The following PTPRD variants were observed in gnomAD, a reference collection of about 807,000 sequenced individuals.
PTPRD encodes receptor-type tyrosine-protein phosphatase delta.
A neutral mutation model predicts 214.5 loss-of-function variants in PTPRD; 34 were observed. That is an observed-to-expected ratio of 0.16 (90% CI 0.12 to 0.21). PTPRD has a LOEUF of 0.21. Ranked by LOEUF, PTPRD falls within the 10% of genes least tolerant of loss-of-function variation. The pLI, the probability that PTPRD is intolerant of heterozygous loss-of-function variation, is 1.00. For synonymous variants in PTPRD, 1,128 were observed against 845.7 expected (o/e 1.33, Z -5.79); for missense variants, 2,545 against 2,398.7 (o/e 1.06, Z -1.27).
At chr9:8,518,750 ATAT>A (rs1463610376) in intron 20 of PTPRD, among the ~76,000 whole-genome samples, 1 of 152,134 alleles carries the variant, frequency 6.6e-6, no homozygotes, top group Admixed American at 6.6e-5. Flanking sequence ...AATGGGAAAA[ATAT>A]TATTATTTAA....
intron 2 of PTPRD, among the ~76,000 whole-genome samples, chr9:10,428,890 C>T (rs900253647): frequency 1.3e-5 from 2 of 151,886 alleles, no homozygotes; most frequent in African/African-American, 4.8e-5. Context: ...GAGTCAGACT[C>T]ACATGGCCCT....
At chr9:8,380,828 A>C (rs1246844155) in intron 37 of PTPRD, among the ~76,000 whole-genome samples, 1 of 152,132 alleles carries the variant, frequency 6.6e-6, no homozygotes, top group Non-Finnish European at 1.5e-5. Flanking sequence ...TATTGTAGGC[A>C]CTTAATGAGC....
Position 8,486,156 on chromosome 9 carries a change from C to A in PTPRD, c.2661G>T (p.Lys887Asn), listed in dbSNP as rs2135956300. ...EDHFTATDIH[K>N]GASYVFRLSA... ...AGAGCCTGAAGACGTATGATGCTCC[C>A]TTGTGGATGTCTGTAGCTGTAAAGT... The change falls in exon 28 of 46, where the codon AAG becomes AAT. Residue 887 changes from lysine (K) to asparagine (N), a missense_variant. Coordinates refer to ENST00000381196, the MANE Select transcript of PTPRD (RefSeq NM_002839.4). 1.9e-6 allele frequency: 3 copies of A among 1,614,200 alleles called. No homozygotes were observed. Among genetic ancestry groups the A allele is most frequent in the Non-Finnish European group, 2.5e-6 (3 of 1,180,036 alleles).
At chr9:9,091,330 T>C (rs973606654) in intron 10 of PTPRD, 20 of 832,042 alleles carry the variant, frequency 2.4e-5, no homozygotes, top group Non-Finnish European at 4.0e-5. Context: ...AAAATTTCTT[T>C]AAATAGCTGC....
chr9:8,842,883 T>A (rs978925685), intron 11 of PTPRD, among the ~76,000 whole-genome samples: 1 of 152,170 alleles, frequency 6.6e-6, no homozygotes, highest in Non-Finnish European at 1.5e-5. Context: ...TCCTGCTCCG[T>A]CGGCCATCCT....
chr9:10,248,878 C>CTTTT (rs36110607), intron 3 of PTPRD, among the ~76,000 whole-genome samples: 1 of 150,948 alleles, frequency 6.6e-6, no homozygotes, highest in African/African-American at 2.4e-5. Context: ...GATATTTTAT[C>CTTTT]TTTTTTTTAG....
At chr9:10,148,720 C>A (rs994964742) in intron 3 of PTPRD, among the ~76,000 whole-genome samples, 5 of 152,108 alleles carry the variant, frequency 3.3e-5, no homozygotes, top group African/African-American at 9.7e-5. Flanking sequence ...GGGCCTTTTA[C>A]CAACTGTAAT....
chr9:8,481,886 G>A (rs1045945744), intron 30 of PTPRD, among the ~76,000 whole-genome samples: 1 of 152,088 alleles, frequency 6.6e-6, no homozygotes, highest in Non-Finnish European at 1.5e-5. Flanking sequence ...AGGTTCAAGC[G>A]ATTCTCCCGC....
intron 5 of PTPRD, among the ~76,000 whole-genome samples, chr9:9,888,177 G>T (rs2071697008): frequency 6.6e-6 from 1 of 152,130 alleles, no homozygotes; most frequent in African/African-American, 2.4e-5. Context: ...GCAAATGGTG[G>T]AAAGTGTGAA....
Position 9,207,954 on chromosome 9 carries a change from G to C in PTPRD, c.-202-24591C>G, listed in dbSNP as rs559126178. Among the ~76,000 whole-genome samples, 3 of 146,380 alleles carry C rather than the reference G, an allele frequency of 2.0e-5. No individual in the cohort carries two copies. The South Asian group carries it at 6.7e-4, about 33-fold the overall frequency. On this transcript the variant is annotated intron_variant, in intron 9 of 45. Coordinates refer to ENST00000381196, the MANE Select transcript of PTPRD (RefSeq NM_002839.4). Reference sequence around the variant, plus strand: ...CTTTTAGTGAAAAAGGAAAGGAAGAGACAAATACATAGTATGCCATTATTT... The same window carrying C: ...CTTTTAGTGAAAAAGGAAAGGAAGACACAAATACATAGTATGCCATTATTT...
chr9:9,310,443 C>T (rs991870831), intron 9 of PTPRD, among the ~76,000 whole-genome samples: 2 of 152,096 alleles, frequency 1.3e-5, no homozygotes, highest in Non-Finnish European at 2.9e-5. Context: ...CCTGTACTAT[C>T]TACAAGTGAA....
chr9:9,129,231 A>T (rs751995906), intron 10 of PTPRD, among the ~76,000 whole-genome samples: 16 of 152,166 alleles, frequency 1.1e-4, no homozygotes, highest in Non-Finnish European at 2.1e-4. Flanking sequence ...CTCTACTAAA[A>T]ATACCAAAAT....
chr9:9,221,088 C>T (rs924844699), intron 9 of PTPRD, among the ~76,000 whole-genome samples: 7 of 152,076 alleles, frequency 4.6e-5, no homozygotes, highest in African/African-American at 1.7e-4. Context: ...TGAAATCAAC[C>T]AGGTACAACT....
intron 22 of PTPRD, among the ~76,000 whole-genome samples, chr9:8,506,499 C>A (rs1298907498): frequency 1.3e-5 from 2 of 152,228 alleles, no homozygotes; most frequent in Non-Finnish European, 2.9e-5. Flanking sequence ...AACACAGACT[C>A]TGGAACTCGA....
intron 7 of PTPRD, among the ~76,000 whole-genome samples, chr9:9,634,778 A>G (rs945073609): frequency 1.3e-5 from 2 of 152,176 alleles, no homozygotes; most frequent in Non-Finnish European, 2.9e-5. Flanking sequence ...GTATAGAGTT[A>G]AGTGTATAAT....
chr9:8,393,311 G>C (rs532778565), intron 36 of PTPRD, among the ~76,000 whole-genome samples: 1 of 152,156 alleles, frequency 6.6e-6, no homozygotes, highest in Non-Finnish European at 1.5e-5. Flanking sequence ...AATGTAACTT[G>C]AAATGTAGTA....
At chr9:10,468,303 T>A (rs1588876065) in intron 2 of PTPRD, among the ~76,000 whole-genome samples, 1 of 152,134 alleles carries the variant, frequency 6.6e-6, no homozygotes, top group South Asian at 2.1e-4. Flanking sequence ...ATCTACACCA[T>A]GGAATACTAT....
At chr9:9,228,443 C>T (rs1017239146) in intron 9 of PTPRD, among the ~76,000 whole-genome samples, 17 of 151,998 alleles carry the variant, frequency 1.1e-4, no homozygotes, top group African/African-American at 4.1e-4. Flanking sequence ...CAATAATATG[C>T]ACACATATAT....
rs115249603 is a variant in PTPRD at position 9,521,857 on chromosome 9, A to G, written c.-237+52875T>C. Among the ~76,000 whole-genome samples the G allele has an allele frequency of 1.7e-3, 262 of 152,020 alleles. 1 individual carries two copies. Among genetic ancestry groups the G allele is most frequent in the African/African-American group, 6.1e-3 (251 of 41,454 alleles). On this transcript the variant is annotated intron_variant, in intron 8 of 45. Coordinates refer to ENST00000381196, the MANE Select transcript of PTPRD (RefSeq NM_002839.4). ...CTTTGGGGGCTTATAAATACTACAG[A>G]AAAAAAATGGTCTGTTCTGGCCAGG...
Sources: allele counts gnomAD v4.1 joint callset (sites outside exome capture counted in the v4.1 genomes callset), GRCh38; gene constraint gnomAD v4.1.1; transcripts MANE v1.5; gene names NCBI Gene and HGNC (gene_info 2026-07-23, HGNC 2026-07-21).